The following AKAP9 variants were observed in gnomAD, a reference collection of about 807,000 sequenced individuals.
The protein encoded by AKAP9 is A-kinase anchoring protein 9, also known as A-kinase anchor protein 9.
In AKAP9, 311 loss-of-function variants were observed where a neutral mutation model predicts 488.5. That is an observed-to-expected ratio of 0.64 (90% CI 0.58 to 0.70). AKAP9 has a LOEUF of 0.70. Ranked by LOEUF, AKAP9 falls within the 30% of genes least tolerant of loss-of-function variation. The pLI, the probability that AKAP9 is intolerant of heterozygous loss-of-function variation, is 0.00. For synonymous variants in AKAP9, 1,462 were observed against 1,483.5 expected, an observed-to-expected ratio of 0.99 and a Z score of 0.33; for missense variants, 4,215 against 4,374.5, an observed-to-expected ratio of 0.96 and a Z score of 1.03.
chr7:91,983,038 CT>C (rs1286029512), intron 3 of AKAP9, among the ~76,000 whole-genome samples: 5 of 150,478 alleles, frequency 3.3e-5, no homozygotes, highest in South Asian at 2.1e-4. Context: ...GGGTTGTTTG[CT>C]TTTTTTTTCT....
chr7:91,957,212 C>G (rs757385022), intron 1 of AKAP9, among the ~76,000 whole-genome samples: 1 of 151,950 alleles, frequency 6.6e-6, no homozygotes, highest in African/African-American at 2.4e-5. Context: ...TTAACAATTT[C>G]CTATTGAAAC....
Position 92,093,299 on chromosome 7 carries a change from A to G in AKAP9, c.9561A>G (p.Lys3187=), listed in dbSNP as rs963431431. The G allele has an allele frequency of 5.0e-6, 8 of 1,614,070 alleles. 1 individual carries two copies. The highest frequency in any genetic ancestry group is 2.2e-5 in the East Asian group (1 of 44,874). ...TTLKAQHKHL[K]ELEAFRLEVK... ...TCAAGGCACAGCATAAACACCTAAA[A>G]GAATTGGAGGCTTTCAGGTGTGCCA... is the stretch of plus-strand genomic sequence containing the variant. Residue 3187 remains lysine (K), a synonymous_variant, in exon 39 of 50, where the codon AAA becomes AAG. Transcript: ENST00000356239.
chr7:92,070,032 TG>T lies in AKAP9; in HGVS notation c.6334del (p.Glu2112AsnfsTer3). 6.2e-7 allele frequency: 1 copy of T among 1,612,434 alleles called. No homozygotes were observed. The highest frequency in any genetic ancestry group is 8.5e-7 in the Non-Finnish European group (1 of 1,179,626). On this transcript the variant is annotated frameshift_variant, in exon 27 of 50. Transcript: ENST00000356239. LOFTEE classifies it high-confidence loss of function. ...PISEHQTREV[E>X]QLANHLKEKT... The stretch of plus-strand genomic sequence containing the variant: ...ATTTTTTGCCTCTTATATTTCAGGT[TG>T]AACAGTTAGCAAATCATCTGAAAGA...
chr7:92,004,662 G>GA (rs1331015651), intron 8 of AKAP9, among the ~76,000 whole-genome samples: 1 of 152,150 alleles, frequency 6.6e-6, no homozygotes, highest in Non-Finnish European at 1.5e-5. Context: ...TTTGCACATT[G>GA]ATTTTGTATC....
At position 92,089,539 on chromosome 7, in the gene AKAP9, A is replaced by G. The variant is rs180926926; in HGVS notation, c.9358+10A>G. ...GAGAAACCAAGCCAAGGTATGTTGT[A>G]TGACAAGCTCATATGGTTACACAAA... On this transcript the variant is annotated intron_variant, in intron 38 of 49. Coordinates refer to ENST00000356239, the MANE Select transcript of AKAP9 (RefSeq NM_005751.5). 2.3e-4 allele frequency: 373 copies of G among 1,612,820 alleles called. No individual in the cohort carries two copies. In the East Asian group the frequency reaches 7.9e-3, roughly 34 times the overall value.
At chr7:92,030,686 A>G (rs2130754951) in intron 15 of AKAP9, among the ~76,000 whole-genome samples, 1 of 152,156 alleles carries the variant, frequency 6.6e-6, no homozygotes, top group African/African-American at 2.4e-5. Flanking sequence ...AATCCAAGAC[A>G]ATAGGGCTGG....
chr7:91,969,430 G>T (rs1167241940), intron 1 of AKAP9, among the ~76,000 whole-genome samples: 1 of 152,078 alleles, frequency 6.6e-6, no homozygotes, highest in African/African-American at 2.4e-5. Context: ...GGCCTATTTG[G>T]CGTAGTGTAT....
At chr7:92,017,959 C>T (rs1158168679) in intron 12 of AKAP9, among the ~76,000 whole-genome samples, 1 of 151,970 alleles carries the variant, frequency 6.6e-6, no homozygotes, top group East Asian at 1.9e-4. Context: ...GGATTTATGC[C>T]TTTTAAATAT....
chr7:91,977,366 C>T (rs1249532507), intron 2 of AKAP9, among the ~76,000 whole-genome samples: 1 of 152,146 alleles, frequency 6.6e-6, no homozygotes, highest in East Asian at 1.9e-4. Context: ...ACCATCCTGG[C>T]TAACACGGTG....
At chr7:91,945,049 A>G (rs964228237) in intron 1 of AKAP9, among the ~76,000 whole-genome samples, 3 of 152,174 alleles carry the variant, frequency 2.0e-5, no homozygotes, top group Admixed American at 2.0e-4. Context: ...AATACTATGT[A>G]AAAAGAAAAA....
Position 92,003,119 on chromosome 7 carries a change from G to C in AKAP9, c.3202G>C (p.Glu1068Gln), listed in dbSNP as rs1799372001. 6.2e-7 allele frequency: 1 copy of C among 1,611,248 alleles called. No homozygotes were observed. Among genetic ancestry groups the C allele is most frequent in the African/African-American group, 1.3e-5 (1 of 74,840 alleles). Residue 1068 changes from glutamate (E) to glutamine (Q), a missense_variant, in exon 8 of 50, where the codon GAA (glutamate) becomes CAA (glutamine). By Grantham distance (29) the Glu-to-Gln change is conservative. Transcript: ENST00000356239. ...GACTGTTGGAGAAGAAAGTAAGCAAGAACAGTTGATTTTGGATCACTTACC... is the reference window on the plus strand; with the variant it reads ...GACTGTTGGAGAAGAAAGTAAGCAACAACAGTTGATTTTGGATCACTTACC... ...NMTVGEESKQ[E>Q]QLILDHLPSV...
At chr7:92,059,611 A>G (rs1421695076) in intron 22 of AKAP9, among the ~76,000 whole-genome samples, 2 of 151,828 alleles carry the variant, frequency 1.3e-5, no homozygotes, top group Admixed American at 6.6e-5. Flanking sequence ...TCTTTGTTAT[A>G]TCCTTATAGT....
chr7:91,952,534 G>T (rs1050991765), intron 1 of AKAP9, among the ~76,000 whole-genome samples: 2 of 152,192 alleles, frequency 1.3e-5, no homozygotes, highest in African/African-American at 4.8e-5. Flanking sequence ...TAAAGGATGG[G>T]GAGGAACTGC....
chr7:92,089,431 G>A lies in AKAP9; in HGVS notation c.9260G>A (p.Arg3087Lys). 1 of 1,612,278 alleles carries A rather than the reference G, an allele frequency of 6.2e-7. No homozygotes were observed. The highest frequency in any genetic ancestry group is 8.5e-7 in the Non-Finnish European group (1 of 1,179,624). Residue 3087 changes from arginine to lysine, a missense_variant, in exon 38 of 50, where the codon AGA (arginine) becomes AAA (lysine). By Grantham distance (26) the Arg-to-Lys change is conservative. Transcript: ENST00000356239. ...AAMECLQKAD[R>K]RSLLSEIQAL... ...ATGGAATGCCTCCAGAAAGCAGATA[G>A]AAGGAGTTTGTTATCTGAAATTCAG...
intron 10 of AKAP9, among the ~76,000 whole-genome samples, chr7:92,014,740 AC>A (rs1234420798): frequency 6.6e-6 from 1 of 152,214 alleles, no homozygotes; most frequent in Non-Finnish European, 1.5e-5. Context: ...TTTCTTCACT[AC>A]CTTCAGAACT....
Position 92,077,895 on chromosome 7 carries a change from AT to A in AKAP9, c.6945+22del. ...AACAAGGTATACTCATTTAAAATTG[AT>A]TATGAAATTAATATGAACCAGAGTT... On this transcript the variant is annotated intron_variant, in intron 30 of 49. Coordinates refer to ENST00000356239, the MANE Select transcript of AKAP9 (RefSeq NM_005751.5). 1 of 1,578,852 alleles carries A rather than the reference AT, an allele frequency of 6.3e-7. No homozygotes were observed. Among genetic ancestry groups the A allele is most frequent in the Non-Finnish European group, 8.7e-7 (1 of 1,155,074 alleles).
chr7:92,058,447 C>G, intron 22 of AKAP9: 1 of 438,886 alleles, frequency 2.3e-6, no homozygotes, highest in Non-Finnish European at 4.6e-6. Context: ...TAGTTAAACA[C>G]TATAATGAGA....
rs1199824815 is a variant in AKAP9, at chr7:92,066,525, C to G, written c.6309C>G (p.Ile2103Met). 2.5e-6 allele frequency: 4 copies of G among 1,613,384 alleles called. No individual in the cohort carries two copies. In the African/African-American group the frequency reaches 5.3e-5, roughly 22 times the overall value. Residue 2103 changes from isoleucine (I) to methionine (M), a missense_variant, in exon 26 of 50, where the codon ATC becomes ATG. Physicochemically the swap from Ile to Met is conservative, Grantham distance 10. Transcript: ENST00000356239. ...QLKVVPRFQP[I>M]SEHQTREVEQ... Reference sequence around the variant, plus strand: ...AGGTTGTTCCTCGATTCCAGCCTATCAGTGAACATCAAACTAGAGAGGTAA... The same window carrying G: ...AGGTTGTTCCTCGATTCCAGCCTATGAGTGAACATCAAACTAGAGAGGTAA...
chr7:92,003,359 G>T, intron 8 of AKAP9, 124 bp downstream of exon 8: 1 of 740,126 alleles, frequency 1.4e-6, no homozygotes, highest in Non-Finnish European at 2.1e-6. Flanking sequence ...ACCCTCTGAT[G>T]TAATTTTAAC....
Sources: allele counts gnomAD v4.1 joint callset (sites outside exome capture counted in the v4.1 genomes callset), GRCh38; gene constraint gnomAD v4.1.1; transcripts MANE v1.5; gene names NCBI Gene and HGNC (gene_info 2026-07-23, HGNC 2026-07-21).